The following IGF1 variants were observed in gnomAD, a reference collection of about 807,000 sequenced individuals.
The protein encoded by IGF1 is insulin-like growth factor 1.
In IGF1, 4 loss-of-function variants were observed where a neutral mutation model predicts 13.8. That is an observed-to-expected ratio of 0.29 (90% confidence interval 0.14 to 0.66). The LOEUF (loss-of-function observed/expected upper bound fraction) is 0.66. Among genes scored for constraint, IGF1 ranks in the 30% least tolerant of loss-of-function variants. The probability of loss-of-function intolerance (pLI) is 0.78; values close to 1 mark genes in which losing one functional copy is unlikely to be tolerated. For missense variants in IGF1, 124 were observed against 188.5 expected (o/e 0.66, Z 2.00); for synonymous variants, 76 against 72.6 (o/e 1.05, Z -0.23).
chr12:102,396,830 C>T lies in IGF1; in HGVS notation c.*5677G>A, dbSNP rs1873228242. ...TTAAAAAAGCTTGGATTTTTTTCCC[C>T]TTGAAAGACCCCATCAAAGATAGTT... On this transcript the variant is annotated 3_prime_UTR_variant, in exon 4 of 4. Coordinates refer to ENST00000337514, the MANE Select transcript of IGF1 (RefSeq NM_000618.5). 1 of 396,414 alleles carries T rather than the reference C, an allele frequency of 2.5e-6. No homozygotes were observed. Among genetic ancestry groups the T allele is most frequent in the Non-Finnish European group, 4.4e-6 (1 of 225,572 alleles). The allele number at this position is 396,414 out of a possible 1,614,324, so 24.6% of individuals were successfully genotyped here.
chr12:102,460,478 G>A (rs1879812685), intron 2 of IGF1, among the ~76,000 whole-genome samples: 1 of 152,182 alleles, frequency 6.6e-6, no homozygotes, highest in African/African-American at 2.4e-5. Flanking sequence ...TGAAGGGATG[G>A]CATCATTCTC....
chr12:102,472,438 T>C (rs1273584167), intron 2 of IGF1, among the ~76,000 whole-genome samples: 1 of 152,158 alleles, frequency 6.6e-6, no homozygotes, highest in Non-Finnish European at 1.5e-5. Context: ...CTCTCCTTGT[T>C]AAATATTGCA....
Position 102,419,520 on chromosome 12 carries a change from T to C in IGF1, c.391A>G (p.Lys131Glu), listed in dbSNP as rs1460837877. The C allele has an allele frequency of 6.2e-7, 1 of 1,613,296 alleles. No individual in the cohort carries two copies. Among genetic ancestry groups the C allele is most frequent in the Admixed American group, 1.7e-5 (1 of 60,008 alleles). The change falls in exon 3 of 4, where the codon AAG becomes GAG. Residue 131 changes from lysine (K) to glutamate (E), a missense_variant. Lys to Glu is a moderately conservative substitution (Grantham distance 56). This residue lies in a region of IGF1 where 25 missense variants were observed against 17.1 expected (regional missense o/e 1.47). Transcript: ENST00000337514. ...VRAQRHTDMP[K>E]TQKEVHLKNA... ...CCAGGTGGGCTTACCTTCTGGGTCT[T>C]GGGCATGTCGGTGTGGCGCTGGGCA...
At chr12:102,479,433 T>G (rs1375103366) in intron 1 of IGF1, among the ~76,000 whole-genome samples, 1 of 151,754 alleles carries the variant, frequency 6.6e-6, no homozygotes, top group Non-Finnish European at 1.5e-5. Flanking sequence ...TCTTGAAGGA[T>G]ATAATTTTGC....
rs1873324464 is a variant in IGF1, at chr12:102,397,622, C to A, written c.*4885G>T. ...CAAATATGTACTACAGGATTAAACA[C>A]TAGCATTGAAAACAAAACAAAATCC... On this transcript the variant is annotated 3_prime_UTR_variant, in exon 4 of 4. Transcript: ENST00000337514. 1 of 152,162 alleles carries A rather than the reference C, an allele frequency of 6.6e-6. No homozygotes were observed. Among genetic ancestry groups the A allele is most frequent in the Non-Finnish European group, 1.5e-5 (1 of 68,028 alleles). The allele number at this position is 152,162 out of a possible 1,614,324, so 9.4% of individuals were successfully genotyped here.
intron 2 of IGF1, among the ~76,000 whole-genome samples, chr12:102,434,612 G>A (rs1877057154): frequency 2.0e-5 from 3 of 151,556 alleles, no homozygotes; most frequent in South Asian, 4.2e-4. Flanking sequence ...ATAAACATAC[G>A]TGTGCATGTG....
At chr12:102,442,374 T>G (rs573641658) in intron 2 of IGF1, among the ~76,000 whole-genome samples, 1 of 152,220 alleles carries the variant, frequency 6.6e-6, no homozygotes, top group East Asian at 1.9e-4. Context: ...AGCCCAGTAC[T>G]TGACATGGGA....
intron 2 of IGF1, among the ~76,000 whole-genome samples, chr12:102,460,044 A>G (rs1272568271): frequency 1.3e-5 from 2 of 152,248 alleles, no homozygotes; most frequent in Non-Finnish European, 2.9e-5. Flanking sequence ...CTGCAAGGGC[A>G]CACACTTCAC....
rs903512599 is a variant in IGF1, at chr12:102,399,639, G to T, written c.*2868C>A. On this transcript the variant is annotated 3_prime_UTR_variant, in exon 4 of 4. Coordinates refer to ENST00000337514, the MANE Select transcript of IGF1 (RefSeq NM_000618.5). ...ATTTATTTATAATCCAGTTGGAGAG[G>T]ATTATGTGTTGGAAAAAGTTAAGAA... 6.6e-6 allele frequency: 1 copy of T among 152,140 alleles called. No homozygotes were observed. The highest frequency in any genetic ancestry group is 1.5e-5 in the Non-Finnish European group (1 of 68,022). The allele number at this position is 152,140 out of a possible 1,614,324, so 9.4% of individuals were successfully genotyped here.
At chr12:102,434,490 T>C (rs11111273) in intron 2 of IGF1, among the ~76,000 whole-genome samples, 2,530 of 148,258 alleles carry the variant, frequency 0.017, 66 homozygotes, top group African/African-American at 0.06. Context: ...CATCATTTTT[T>C]ATGGCTGCAT....
intron 2 of IGF1, among the ~76,000 whole-genome samples, chr12:102,451,679 A>T (rs1878944799): frequency 6.6e-6 from 1 of 152,130 alleles, no homozygotes; most frequent in South Asian, 2.1e-4. Flanking sequence ...CTTCCTTGCT[A>T]TTGTTTGGCA....
intron 2 of IGF1, among the ~76,000 whole-genome samples, chr12:102,435,588 A>G (rs1877156405): frequency 6.6e-6 from 1 of 152,198 alleles, no homozygotes; most frequent in African/African-American, 2.4e-5. Flanking sequence ...ACTTTTATAA[A>G]TGAAAAAACT....
intron 2 of IGF1, among the ~76,000 whole-genome samples, chr12:102,472,641 A>G (rs1208732812): frequency 6.6e-6 from 1 of 152,216 alleles, no homozygotes; most frequent in East Asian, 1.9e-4. Context: ...GTCAACTGAC[A>G]GTGTATAGAG....
intron 2 of IGF1, among the ~76,000 whole-genome samples, chr12:102,427,414 G>C (rs1353767935): frequency 2.6e-5 from 4 of 152,158 alleles, no homozygotes; most frequent in Non-Finnish European, 4.4e-5. Context: ...ACAGAAAGAT[G>C]AATCAGCCAA....
intron 2 of IGF1, among the ~76,000 whole-genome samples, chr12:102,456,143 A>T (rs1363123636): frequency 6.6e-6 from 1 of 152,060 alleles, no homozygotes; most frequent in Non-Finnish European, 1.5e-5. Context: ...TCTTAGGAGC[A>T]TCTGAGGAGA....
rs145766700 is a variant in IGF1, at chr12:102,425,225, G to T, written c.221-5535C>A. 1.3e-4 allele frequency among the ~76,000 whole-genome samples: 20 copies of T among 152,294 alleles called. No individual in the cohort carries two copies. The East Asian group carries it at 3.9e-3, about 29-fold the overall frequency. On this transcript the variant is annotated intron_variant, in intron 2 of 3. Transcript: ENST00000337514. Reference sequence around the variant, plus strand: ...TGGAAGGATCTTTCCAAGTAAGATTGACCTTTGGCATCTTAAAAGTGAACA... The same window carrying T: ...TGGAAGGATCTTTCCAAGTAAGATTTACCTTTGGCATCTTAAAAGTGAACA...
chr12:102,427,700 A>G (rs1051645567), intron 2 of IGF1, among the ~76,000 whole-genome samples: 4 of 152,086 alleles, frequency 2.6e-5, no homozygotes, highest in African/African-American at 2.4e-5. Context: ...CTCCTTAAAG[A>G]GAGGCATCCG....
intron 1 of IGF1, among the ~76,000 whole-genome samples, chr12:102,476,610 G>A (rs1348565634): frequency 6.6e-6 from 1 of 152,184 alleles, no homozygotes; most frequent in Non-Finnish European, 1.5e-5. Context: ...ATCAACACGT[G>A]TTGAGAATCC....
chr12:102,399,790 A>G lies in IGF1; in HGVS notation c.*2717T>C, dbSNP rs1873527625. 6.6e-6 allele frequency: 1 copy of G among 152,294 alleles called. No homozygotes were observed. Among genetic ancestry groups the G allele is most frequent in the East Asian group, 1.9e-4 (1 of 5,186 alleles). The allele number at this position is 152,294 out of a possible 1,614,324, so 9.4% of individuals were successfully genotyped here. A position where few individuals can be genotyped will look rare whatever the true frequency, so the allele number is the denominator to read the frequency against. ...ATCACATCTAACTATGACAGAAAAC[A>G]CGTTAAGTCTGCAGAAGACTGCCTA... On this transcript the variant is annotated 3_prime_UTR_variant, in exon 4 of 4. Coordinates refer to ENST00000337514, the MANE Select transcript of IGF1 (RefSeq NM_000618.5).
Sources: gnomAD v4.1 joint callset for allele counts (sites outside exome capture counted in the v4.1 genomes callset) on GRCh38, gnomAD v4.1.1 for gene constraint, gnomAD v4.1.1 regional missense constraint, MANE v1.5 for transcripts, NCBI Gene and HGNC (gene_info 2026-07-23, HGNC 2026-07-21) for gene names.